The following EPC1 variants were observed in gnomAD, a reference collection of about 807,000 sequenced individuals.
EPC1 encodes the protein enhancer of polycomb 1.
Under a neutral mutation model 98.4 loss-of-function variants are expected in EPC1, and 12 were observed. The observed-to-expected ratio is 0.12, with a 90% CI of 0.08 to 0.20. EPC1 has a LOEUF of 0.20. EPC1 is among the 10% of genes least tolerant of loss of function. The pLI is 1.00. For synonymous variants in EPC1, 357 were observed against 363.9 expected (o/e 0.98, Z 0.21); for missense variants, 729 against 990.5 (o/e 0.74, Z 3.54).
chr10:32,284,504 T>G, intron 10 of EPC1, 194 bp downstream of exon 10: 1 of 488,102 alleles, frequency 2.0e-6, no homozygotes, highest in East Asian at 3.1e-5. Context: ...CAGGTATGTT[T>G]AAATGAAGAC....
intron 1 of EPC1, among the ~76,000 whole-genome samples, chr10:32,309,493 C>CTTTTTT (rs67775039): frequency 3.5e-5 from 5 of 142,438 alleles, no homozygotes; most frequent in Non-Finnish European, 6.0e-5. Context: ...TATTTTCAAG[C>CTTTTTT]TTTTTTTTTT....
intron 1 of EPC1, among the ~76,000 whole-genome samples, chr10:32,368,398 T>C (rs187187051): frequency 1.4e-4 from 22 of 152,306 alleles, no homozygotes; most frequent in Non-Finnish European, 2.4e-4. Context: ...CAGCCACGTG[T>C]GTTCTTCCAT....
intron 1 of EPC1, among the ~76,000 whole-genome samples, chr10:32,355,606 CCTTTTTT>C (rs1284632173): frequency 1.6e-5 from 2 of 124,072 alleles, no homozygotes; most frequent in East Asian, 2.6e-4. Flanking sequence ...AGTGCCTTAC[CCTTTTTT>C]TTTTTTTTTT....
chr10:32,271,240 C>T (rs1042241101), intron 13 of EPC1, among the ~76,000 whole-genome samples: 2 of 152,136 alleles, frequency 1.3e-5, no homozygotes, highest in Non-Finnish European at 2.9e-5. Flanking sequence ...ATCTGCCTGC[C>T]TCTGCCTCCC....
chr10:32,351,662 A>G (rs1839113380), upstream of EPC1, among the ~76,000 whole-genome samples: 1 of 152,008 alleles, frequency 6.6e-6, no homozygotes, highest in Non-Finnish European at 1.5e-5. Context: ...CCATCTTAAA[A>G]AAAGAAAAAA....
intron 1 of EPC1, among the ~76,000 whole-genome samples, chr10:32,343,470 C>CA (rs1838510295): frequency 1.3e-5 from 2 of 152,244 alleles, no homozygotes; most frequent in Admixed American, 1.3e-4. Flanking sequence ...CTCGGCCTCC[C>CA]AAAGTGCTGG....
chr10:32,298,965 T>C (rs1226985470), intron 2 of EPC1, among the ~76,000 whole-genome samples: 1 of 152,124 alleles, frequency 6.6e-6, no homozygotes, highest in African/African-American at 2.4e-5. Context: ...TTAAAAAAAC[T>C]TTACTTAGAA....
chr10:32,301,921 A>G (rs1835567880), intron 2 of EPC1, among the ~76,000 whole-genome samples: 1 of 152,152 alleles, frequency 6.6e-6, no homozygotes, highest in African/African-American at 2.4e-5. Flanking sequence ...AAAATTAACA[A>G]CTTTGGTCCC....
At chr10:32,300,712 G>C (rs1320200161) in intron 2 of EPC1, among the ~76,000 whole-genome samples, 1 of 152,108 alleles carries the variant, frequency 6.6e-6, no homozygotes, top group Non-Finnish European at 1.5e-5. Context: ...GGGATTACAA[G>C]TGTGAGCCAC....
chr10:32,354,687 A>G (rs896691665), intron 1 of EPC1, among the ~76,000 whole-genome samples: 1 of 150,820 alleles, frequency 6.6e-6, no homozygotes, highest in African/African-American at 2.5e-5. Context: ...ATTTATTGTA[A>G]ATGTGTAATG....
At chr10:32,347,681 G>A (rs923726332), upstream of EPC1, among the ~76,000 whole-genome samples, 1 of 142,362 alleles carries the variant, frequency 7.0e-6, no homozygotes, top group African/African-American at 3.1e-5. Context: ...GTCTGCCGCG[G>A]GGGGCGAACG....
rs1213938727 is a variant in EPC1 at position 32,366,909 on chromosome 10, TA to T, written c.3+11581del. Among the ~76,000 whole-genome samples, 10 of 151,634 alleles carry T rather than the reference TA, an allele frequency of 6.6e-5. No individual in the cohort carries two copies. The South Asian group carries it at 1.9e-3, about 28-fold the overall frequency. ...CCTTTGCCATGGCAAATTCCAGAGCTAAAAAAAAATCTACGTGGAAATTTCC... is the reference window on the plus strand; with the variant it reads ...CCTTTGCCATGGCAAATTCCAGAGCTAAAAAAAATCTACGTGGAAATTTCC... On this transcript the variant is annotated intron_variant, in intron 1 of 13. Transcript: ENST00000375110.
chr10:32,284,867 T>C lies in EPC1; in HGVS notation c.1575A>G (p.Arg525=), dbSNP rs2132693957. The C allele has an allele frequency of 6.2e-7, 1 of 1,614,226 alleles. No homozygotes were observed. Among genetic ancestry groups the C allele is most frequent in the Non-Finnish European group, 8.5e-7 (1 of 1,180,044 alleles). ...GTGTCCGAGGCCTAAAATGCCGCCA[T>C]CTACATGATTTGATATTGACTAGTA... The part of the protein sequence containing the change: ...SQILVNIKSC[R]WRHFRPRTPS... The change falls in exon 10 of 14, where the codon AGA becomes AGG. Residue 525 remains arginine, a synonymous_variant. Transcript: ENST00000319778.
intron 1 of EPC1, among the ~76,000 whole-genome samples, chr10:32,365,334 A>G (rs1379413660): frequency 2.0e-5 from 3 of 152,190 alleles, no homozygotes; most frequent in South Asian, 4.1e-4. Context: ...CAAAATAACC[A>G]TCTAGTAATA....
chr10:32,348,136 A>G (rs866606308), upstream of EPC1, among the ~76,000 whole-genome samples: 14 of 152,184 alleles, frequency 9.2e-5, no homozygotes, highest in African/African-American at 3.4e-4. Flanking sequence ...ACTTTGTAAC[A>G]TTGAATCATA....
chr10:32,310,632 C>T (rs1218944280), intron 1 of EPC1, among the ~76,000 whole-genome samples: 1 of 152,142 alleles, frequency 6.6e-6, no homozygotes, highest in Non-Finnish European at 1.5e-5. Flanking sequence ...AAATATTTCA[C>T]ACAGGCCAGA....
chr10:32,301,063 T>G (rs1162420523), intron 2 of EPC1, among the ~76,000 whole-genome samples: 1 of 150,832 alleles, frequency 6.6e-6, no homozygotes, highest in Non-Finnish European at 1.5e-5. Context: ...TCTATCTATC[T>G]ATCTATCTAT....
At chr10:32,363,830 A>G (rs1319537824) in intron 1 of EPC1, among the ~76,000 whole-genome samples, 2 of 151,348 alleles carry the variant, frequency 1.3e-5, no homozygotes, top group African/African-American at 2.5e-5. Flanking sequence ...AACTTGCTCA[A>G]TCTACTTGAA....
chr10:32,377,944 G>T (rs753028976), intron 1 of EPC1, among the ~76,000 whole-genome samples: 24 of 152,136 alleles, frequency 1.6e-4, no homozygotes, highest in Non-Finnish European at 3.2e-4. Context: ...TACAAGTTGA[G>T]ATCTGATCAG....
Sources: gnomAD v4.1 joint callset for allele counts (sites outside exome capture counted in the v4.1 genomes callset) on GRCh38, gnomAD v4.1.1 for gene constraint, MANE v1.5 for transcripts, NCBI Gene and HGNC (gene_info 2026-07-23, HGNC 2026-07-21) for gene names.